CIITA: variants seen among roughly 807,000 people sequenced by gnomAD.
CIITA encodes MHC class II transactivator.
CIITA carries 72 observed loss-of-function variants against 115.1 expected under a neutral mutation model. The observed-to-expected ratio is 0.63, with a 90% CI of 0.52 to 0.76. CIITA has a LOEUF of 0.76. Among genes scored for constraint, CIITA ranks in the 30% least tolerant of loss-of-function variants. The probability of loss-of-function intolerance (pLI) is 0.00; values close to 1 mark genes in which losing one functional copy is unlikely to be tolerated. For synonymous variants in CIITA, 763 were observed against 635.6 expected, an observed-to-expected ratio of 1.20 and a Z score of -3.02; for missense variants, 1,617 against 1,463.8, an observed-to-expected ratio of 1.10 and a Z score of -1.71.
At position 10,898,726 on chromosome 16, in the gene CIITA, A is replaced by G. The variant is rs142443082; in HGVS notation, c.352A>G (p.Ile118Val). ...CCAGCTGGAGGGCCTGAGCAAGGAC[A>G]TTTTCAGTAAGTTTGTGGTGGGTGG... Reference protein sequence around the residue: ...DSQLEGLSKDIFKHIGPDEVI... With the variant: ...DSQLEGLSKDVFKHIGPDEVI... The change falls in exon 4 of 20, where the codon ATT (isoleucine) becomes GTT (valine). Residue 118 changes from isoleucine to valine, a missense_variant. By Grantham distance (29) the Ile-to-Val change is conservative. Coordinates refer to ENST00000324288, the MANE Select transcript of CIITA (RefSeq NM_000246.4). 139 of 1,611,644 alleles carry G rather than the reference A, an allele frequency of 8.6e-5. No individual in the cohort carries two copies. Among genetic ancestry groups the G allele is most frequent in the Non-Finnish European group, 1.1e-4 (130 of 1,179,048 alleles).
intron 2 of CIITA, 119 bp downstream of exon 2, chr16:10,895,547 C>CAGACGTGGGAGCT: frequency 6.4e-7 from 1 of 1,557,176 alleles, no homozygotes; most frequent in Non-Finnish European, 8.8e-7. Flanking sequence ...ACAGCTCCCA[C>CAGACGTGGGAGCT]GTCTGTGGGA....
At chr16:10,885,073 G>C (rs933755584) in intron 1 of CIITA, among the ~76,000 whole-genome samples, 4 of 152,192 alleles carry the variant, frequency 2.6e-5, no homozygotes, top group Admixed American at 2.6e-4. Flanking sequence ...ATAGGGAGTA[G>C]TGGGGCCTCT....
chr16:10,916,794 A>C, intron 15 of CIITA: 2 of 424,262 alleles, frequency 4.7e-6, no homozygotes, highest in Non-Finnish European at 4.4e-6. Flanking sequence ...TTACTCCCTC[A>C]TCCAACCGCT....
chr16:10,871,943 A>G (rs1312187178), intron 1 of CIITA, among the ~76,000 whole-genome samples: 2 of 152,058 alleles, frequency 1.3e-5, no homozygotes, highest in East Asian at 1.9e-4. Context: ...CACTTCTCCA[A>G]CCAGTCACGG....
At chr16:10,902,393 G>A (rs572755538) in intron 7 of CIITA, among the ~76,000 whole-genome samples, 14 of 152,162 alleles carry the variant, frequency 9.2e-5, no homozygotes, top group East Asian at 1.9e-4. Flanking sequence ...AAACACATCC[G>A]TGCGAGCATC....
intron 1 of CIITA, 30 bp from the exon 2 acceptor site, chr16:10,895,252 G>A (rs2038005901): frequency 6.2e-7 from 1 of 1,612,698 alleles, no homozygotes; most frequent in African/African-American, 1.3e-5. Flanking sequence ...AACACCCTGT[G>A]AGGTGACTGA....
At chr16:10,891,240 G>T (rs996073368) in intron 1 of CIITA, among the ~76,000 whole-genome samples, 2 of 151,864 alleles carry the variant, frequency 1.3e-5, no homozygotes, top group Admixed American at 6.6e-5. Flanking sequence ...CATTTTGACT[G>T]GGGGGAAAGA....
chr16:10,941,741 C>G lies in CIITA; in HGVS notation n.867C>G, dbSNP rs771767260. 13 of 1,611,148 alleles carry G rather than the reference C, an allele frequency of 8.1e-6. No individual in the cohort carries two copies. In the South Asian group the frequency reaches 1.4e-4, roughly 18 times the overall value. ...CCCTACTCCAAGTACGCATCAAAGACGTCGAGCTCCGAGTCAGCATCGTAA... is the reference window on the plus strand; with the variant it reads ...CCCTACTCCAAGTACGCATCAAAGAGGTCGAGCTCCGAGTCAGCATCGTAA... On this transcript the variant is annotated non_coding_transcript_exon_variant, in exon 2 of 2. Transcript: ENST00000573379. The surrounding 1 kb of genome is among the most constrained non-coding windows in gnomAD (Gnocchi z 6.4).
chr16:10,867,168 G>C (rs1210918878), intron 1 of CIITA, among the ~76,000 whole-genome samples: 1 of 152,018 alleles, frequency 6.6e-6, no homozygotes, highest in South Asian at 2.1e-4. Flanking sequence ...TGCTTGAACT[G>C]GGAAGGCAGA....
chr16:10,893,984 C>T (rs577652626), intron 1 of CIITA, among the ~76,000 whole-genome samples: 53 of 152,116 alleles, frequency 3.5e-4, no homozygotes, highest in African/African-American at 1.1e-3. Flanking sequence ...TCCCTCTCTG[C>T]CAAGCCCTAG....
rs2041002640 is a variant in CIITA at position 10,935,861 on chromosome 16, A to C, written c.*12006A>C. On this transcript the variant is annotated 3_prime_UTR_variant, in exon 20 of 20. Coordinates refer to ENST00000324288, the MANE Select transcript of CIITA (RefSeq NM_000246.4). ...CTGCTTAATATGTCAATGTCACAAG[A>C]GAGAAAGACAGACTGAAGAGCTGAT... The C allele has an allele frequency of 6.6e-6, 1 of 152,236 alleles. No individual in the cohort carries two copies. Among genetic ancestry groups the C allele is most frequent in the Non-Finnish European group, 1.5e-5 (1 of 68,048 alleles). 9.4% of individuals were successfully genotyped at this position (152,236 alleles called of 1,614,324 possible). A position where few individuals can be genotyped will look rare whatever the true frequency, so the allele number is the denominator to read the frequency against.
chr16:10,907,070 G>C lies in CIITA; in HGVS notation c.1578G>C (p.Arg526=). 1 of 1,607,426 alleles carries C rather than the reference G, an allele frequency of 6.2e-7. No homozygotes were observed. The part of the protein sequence containing the change: ...GPAPAEPCSL[R]GLLAGLFQKK... Reference sequence around the variant, plus strand: ...CACCGGCGGAGCCCTGCTCCCTCCGGGGGCTGCTGGCCGGCCTTTTCCAGA... The same window carrying C: ...CACCGGCGGAGCCCTGCTCCCTCCGCGGGCTGCTGGCCGGCCTTTTCCAGA... The change falls in exon 11 of 20, where the codon CGG becomes CGC. Residue 526 remains arginine, a synonymous_variant. Coordinates refer to ENST00000324288, the MANE Select transcript of CIITA (RefSeq NM_000246.4). The surrounding 1 kb of genome is among the most constrained non-coding windows in gnomAD (Gnocchi z 5.0).
chr16:10,901,135 T>C lies in CIITA; in HGVS notation c.437-379T>C, dbSNP rs1314613680. Among the ~76,000 whole-genome samples, 7 of 152,192 alleles carry C rather than the reference T, an allele frequency of 4.6e-5. No homozygotes were observed. The highest frequency in any genetic ancestry group is 7.3e-5 in the Non-Finnish European group (5 of 68,032). The stretch of plus-strand genomic sequence containing the variant: ...TGATTTCTGGCATACTCCTGCAATG[T>C]AGGAACCACCACCCCCATTTCATAG... On this transcript the variant is annotated intron_variant, in intron 5 of 19. Coordinates refer to ENST00000324288, the MANE Select transcript of CIITA (RefSeq NM_000246.4). This position sits in a 1 kb window ranked among gnomAD's most constrained non-coding sequence, Gnocchi z 6.8.
In CIITA at chr16:10,932,923, G is replaced by A. The variant is rs1286562120; in HGVS notation, c.*9068G>A. 1 of 152,018 alleles carries A rather than the reference G, an allele frequency of 6.6e-6. No individual in the cohort carries two copies. The highest frequency in any genetic ancestry group is 2.4e-5 in the African/African-American group (1 of 41,368). The allele number at this position is 152,018 out of a possible 1,614,324, so 9.4% of individuals were successfully genotyped here. On this transcript the variant is annotated 3_prime_UTR_variant, in exon 20 of 20. Transcript: ENST00000324288. ...AGGCTAAAATCTCATAACGTTTTAA[G>A]AAAGTTTATGAATCTGTGTTGGGCC...
Position 10,942,084 on chromosome 16 carries a change from C to G in CIITA, n.1210C>G. ...GGCGCCCGGGCGGCCGGCGAGGGCACAGCGCAGCCATCCAGGGGTACCCTG... is the reference window on the plus strand; with the variant it reads ...GGCGCCCGGGCGGCCGGCGAGGGCAGAGCGCAGCCATCCAGGGGTACCCTG... On this transcript the variant is annotated non_coding_transcript_exon_variant, in exon 2 of 2. Transcript: ENST00000573379. The surrounding 1 kb of genome is among the most constrained non-coding windows in gnomAD (Gnocchi z 5.0). 8.3e-7 allele frequency: 1 copy of G among 1,206,012 alleles called. No homozygotes were observed. The highest frequency in any genetic ancestry group is 1.1e-6 in the Non-Finnish European group (1 of 932,470). The allele number at this position is 1,206,012 out of a possible 1,614,324, so 74.7% of individuals were successfully genotyped here. A position where few individuals can be genotyped will look rare whatever the true frequency, so the allele number is the denominator to read the frequency against.
At position 10,934,041 on chromosome 16, in the gene CIITA, C is replaced by T. The variant is rs1042513215; in HGVS notation, c.*10186C>T. The T allele has an allele frequency of 6.6e-6, 1 of 152,210 alleles. No individual in the cohort carries two copies. Among genetic ancestry groups the T allele is most frequent in the African/African-American group, 2.4e-5 (1 of 41,454 alleles). 9.4% of individuals were successfully genotyped at this position (152,210 alleles called of 1,614,324 possible). A position where few individuals can be genotyped will look rare whatever the true frequency, so the allele number is the denominator to read the frequency against. ...CAACGTCACAGAGAAATGATGACCA[C>T]TTTCTCAAACCTGGCTTCGGATTTG... On this transcript the variant is annotated 3_prime_UTR_variant, in exon 20 of 20. Transcript: ENST00000324288. The surrounding 1 kb of genome is among the most constrained non-coding windows in gnomAD (Gnocchi z 4.2).
At chr16:10,908,910 T>G (rs1596560037) in intron 11 of CIITA, 119 bp from the exon 12 acceptor site, 1 of 1,430,452 alleles carries the variant, frequency 7.0e-7, no homozygotes, top group Non-Finnish European at 9.7e-7. Flanking sequence ...CTGGGAAAGG[T>G]AGAGGTTGAG....
chr16:10,914,945 A>G, intron 13 of CIITA: 2 of 385,910 alleles, frequency 5.2e-6, no homozygotes, highest in Non-Finnish European at 1.0e-5. Context: ...CGGCGGGAGA[A>G]GGGTATCTGT....
chr16:10,907,396 C>G lies in CIITA; in HGVS notation c.1904C>G (p.Ser635Cys). The change falls in exon 11 of 20, where the codon TCC becomes TGC. Residue 635 changes from serine (S) to cysteine (C), a missense_variant. Physicochemically the swap from Ser to Cys is moderately radical, Grantham distance 112 (BLOSUM62 -1). Transcript: ENST00000324288. The surrounding 1 kb of genome is among the most constrained non-coding windows in gnomAD (Gnocchi z 5.0). Reference sequence around the variant, plus strand: ...CTTGGGGAGGACGCCAAGCTGCCCTCCACGCTCACGGGACTCTATGTCGGC... The same window carrying G: ...CTTGGGGAGGACGCCAAGCTGCCCTGCACGCTCACGGGACTCTATGTCGGC... ...LELGEDAKLP[S>C]TLTGLYVGLL... The G allele has an allele frequency of 6.2e-7, 1 of 1,613,352 alleles. No homozygotes were observed. The highest frequency in any genetic ancestry group is 1.1e-5 in the South Asian group (1 of 91,070).
Sources: allele counts gnomAD v4.1 joint callset (sites outside exome capture counted in the v4.1 genomes callset), GRCh38; gene constraint gnomAD v4.1.1; non-coding constraint Gnocchi (gnomAD v3.1); transcripts MANE v1.5; gene names NCBI Gene and HGNC (gene_info 2026-07-23, HGNC 2026-07-21).